ADAMTS17: variants seen among roughly 807,000 people sequenced by gnomAD.
The protein encoded by ADAMTS17 is ADAM metallopeptidase with thrombospondin type 1 motif 17.
ADAMTS17 carries 113 observed loss-of-function variants against 141.5 expected under a neutral mutation model. That is an observed-to-expected ratio of 0.80 (90% CI 0.69 to 0.93). The LOEUF is 0.93. Ranked by LOEUF, ADAMTS17 falls within the 40% of genes least tolerant of loss-of-function variation. The pLI is 0.00. For synonymous variants in ADAMTS17, 768 were observed against 630.6 expected, an observed-to-expected ratio of 1.22 and a Z score of -3.27; for missense variants, 1,659 against 1,517.9, an observed-to-expected ratio of 1.09 and a Z score of -1.54.
intron 15 of ADAMTS17, among the ~76,000 whole-genome samples, chr15:100,083,564 A>G (rs912978317): frequency 6.6e-6 from 1 of 152,140 alleles, no homozygotes; most frequent in Admixed American, 6.6e-5. Flanking sequence ...CAGAAAGTTT[A>G]GCAGTGTCCT....
intron 15 of ADAMTS17, among the ~76,000 whole-genome samples, chr15:100,057,409 A>C (rs1207180989): frequency 1.3e-5 from 2 of 152,094 alleles, no homozygotes; most frequent in Non-Finnish European, 2.9e-5. Context: ...TTCTCTCACA[A>C]AGACCAGAGG....
intron 11 of ADAMTS17, 109 bp from the exon 12 acceptor site, chr15:100,132,261 C>T (rs2038091361): frequency 2.8e-6 from 4 of 1,424,800 alleles, no homozygotes; most frequent in South Asian, 1.3e-5. Flanking sequence ...GCTAAATTTA[C>T]ATAAAGGTAC....
At chr15:100,323,273 TAAAG>T (rs1480729394) in intron 3 of ADAMTS17, among the ~76,000 whole-genome samples, 1 of 152,122 alleles carries the variant, frequency 6.6e-6, no homozygotes, top group Non-Finnish European at 1.5e-5. Context: ...CTTTTACAAA[TAAAG>T]AAATTGAGAC....
intron 7 of ADAMTS17, among the ~76,000 whole-genome samples, chr15:100,244,288 G>C (rs370538744): frequency 1.3e-5 from 2 of 150,426 alleles, no homozygotes; most frequent in South Asian, 2.1e-4. Context: ...TGAGATTTGG[G>C]TGGGGACACA....
intron 20 of ADAMTS17, among the ~76,000 whole-genome samples, chr15:99,978,185 G>A (rs961921458): frequency 9.9e-5 from 15 of 152,208 alleles, no homozygotes; most frequent in Admixed American, 2.0e-4. Flanking sequence ...CACAGGCTGC[G>A]TGGGAGGCGG....
chr15:100,284,132 CA>C (rs926793028), intron 3 of ADAMTS17, among the ~76,000 whole-genome samples: 6 of 151,070 alleles, frequency 4.0e-5, no homozygotes, highest in Non-Finnish European at 2.9e-5. Context: ...AACAAACAAA[CA>C]AAAAATCCTG....
rs2038385761 is a variant in ADAMTS17, at chr15:100,137,325, T to C, written c.1474-4010A>G. On this transcript the variant is annotated intron_variant, in intron 10 of 21. Transcript: ENST00000268070. ...TGGGAGCTGTGGGAGGCTGTCTATA[T>C]GTACATCAATGTCTTTATCTTTTCT... Among the ~76,000 whole-genome samples, 6 of 152,226 alleles carry C rather than the reference T, an allele frequency of 3.9e-5. No individual in the cohort carries two copies. In the South Asian group the frequency reaches 1.2e-3, roughly 31 times the overall value.
At chr15:100,214,854 G>C (rs1319041384) in intron 7 of ADAMTS17, among the ~76,000 whole-genome samples, 1 of 152,224 alleles carries the variant, frequency 6.6e-6, no homozygotes, top group East Asian at 1.9e-4. Flanking sequence ...TTATCACTAT[G>C]AGCACAACGA....
intron 2 of ADAMTS17, among the ~76,000 whole-genome samples, chr15:100,340,752 G>A (rs528733665): frequency 6.8e-6 from 1 of 146,686 alleles, no homozygotes; most frequent in South Asian, 2.2e-4. Flanking sequence ...TGCCAGATCT[G>A]CGCTCCCTAG....
At chr15:100,205,879 G>GAA (rs1313033994) in intron 7 of ADAMTS17, among the ~76,000 whole-genome samples, 1 of 152,098 alleles carries the variant, frequency 6.6e-6, no homozygotes, top group Non-Finnish European at 1.5e-5. Context: ...GGGCGCCGCG[G>GAA]TCTCTGAAAG....
Position 99,974,515 on chromosome 15 carries a change from G to C in ADAMTS17, c.3175C>G (p.Arg1059Gly). 6.2e-7 allele frequency: 1 copy of C among 1,614,242 alleles called. No homozygotes were observed. Among genetic ancestry groups the C allele is most frequent in the Non-Finnish European group, 8.5e-7 (1 of 1,180,036 alleles). ...CTRDQWTVYC[R>G]VIREKNLCQD... ...CAGAGGTTCTTTTCTCGGATGACCC[G>C]GCAATATACCGTCCACTGGTCTCGT... Residue 1059 changes from arginine to glycine, a missense_variant, in exon 22 of 22, where the codon CGG (arginine) becomes GGG (glycine). Transcript: ENST00000268070.
intron 7 of ADAMTS17, among the ~76,000 whole-genome samples, chr15:100,229,019 G>A (rs1290442119): frequency 6.6e-6 from 1 of 152,192 alleles, no homozygotes; most frequent in African/African-American, 2.4e-5. Context: ...AACATTCAGT[G>A]ACATTTGGGC....
intron 18 of ADAMTS17, among the ~76,000 whole-genome samples, chr15:100,044,405 C>T (rs2031514172): frequency 6.6e-6 from 1 of 152,194 alleles, no homozygotes; most frequent in Non-Finnish European, 1.5e-5. Context: ...CCTCTATCTT[C>T]AAGTTCAGTA....
At chr15:100,041,248 A>G (rs1034039459) in intron 18 of ADAMTS17, among the ~76,000 whole-genome samples, 1 of 152,226 alleles carries the variant, frequency 6.6e-6, no homozygotes, top group Non-Finnish European at 1.5e-5. Context: ...AAGATGTTGA[A>G]TGTTCTTTTC....
At chr15:100,328,114 C>T (rs1323742862) in intron 3 of ADAMTS17, among the ~76,000 whole-genome samples, 1 of 152,228 alleles carries the variant, frequency 6.6e-6, no homozygotes, top group East Asian at 1.9e-4. Flanking sequence ...AAACCTATGG[C>T]TGCCATGTTC....
intron 10 of ADAMTS17, among the ~76,000 whole-genome samples, chr15:100,139,306 T>C (rs1228456169): frequency 1.3e-5 from 2 of 152,190 alleles, no homozygotes; most frequent in Non-Finnish European, 2.9e-5. Context: ...TTTCTAAGAA[T>C]GTGTAAGTGA....
intron 3 of ADAMTS17, among the ~76,000 whole-genome samples, chr15:100,287,663 C>G (rs2044491591): frequency 6.6e-6 from 1 of 152,114 alleles, no homozygotes; most frequent in Non-Finnish European, 1.5e-5. Context: ...CGAAGGGAAC[C>G]CCATCAGGCT....
At chr15:100,232,848 G>T (rs544232610) in intron 7 of ADAMTS17, among the ~76,000 whole-genome samples, 9 of 152,210 alleles carry the variant, frequency 5.9e-5, no homozygotes, top group African/African-American at 2.2e-4. Context: ...GGCGCAGATC[G>T]ATTCCACTGC....
chr15:100,010,593 CAG>C (rs2061145585), intron 18 of ADAMTS17, among the ~76,000 whole-genome samples: 1 of 152,220 alleles, frequency 6.6e-6, no homozygotes, highest in Admixed American at 6.5e-5. Context: ...AGACCAGCGT[CAG>C]AGGTTCCTGT....
Sources: allele counts gnomAD v4.1 joint callset (sites outside exome capture counted in the v4.1 genomes callset), GRCh38; gene constraint gnomAD v4.1.1; transcripts MANE v1.5; gene names NCBI Gene and HGNC (gene_info 2026-07-23, HGNC 2026-07-21).